ADAMTS14: variants seen among roughly 807,000 people sequenced by gnomAD.
The protein encoded by ADAMTS14 is ADAM metallopeptidase with thrombospondin type 1 motif 14.
Under a neutral mutation model 128.6 loss-of-function variants are expected in ADAMTS14, and 100 were observed. The observed-to-expected ratio is 0.78, with a 90% CI of 0.66 to 0.92. ADAMTS14 has a LOEUF of 0.92. ADAMTS14 is among the 40% of genes least tolerant of loss of function. The pLI, the probability that ADAMTS14 is intolerant of heterozygous loss-of-function variation, is 0.00. For synonymous variants in ADAMTS14, 665 were observed against 653.8 expected (o/e 1.02, Z -0.26); for missense variants, 1,562 against 1,658.6 (o/e 0.94, Z 1.01).
At chr10:70,725,363 A>T (rs2132657106) in intron 4 of ADAMTS14, among the ~76,000 whole-genome samples, 1 of 152,274 alleles carries the variant, frequency 6.6e-6, no homozygotes, top group Admixed American at 6.5e-5. Context: ...GCTGGGAAGA[A>T]ATTCCCTGTC....
At chr10:70,759,355 C>A (rs972633484) in intron 21 of ADAMTS14, among the ~76,000 whole-genome samples, 14 of 152,076 alleles carry the variant, frequency 9.2e-5, no homozygotes, top group African/African-American at 3.4e-4. Flanking sequence ...CCACCTCCCT[C>A]TTTCTCTCTC....
Position 70,730,178 on chromosome 10 carries a change from G to T in ADAMTS14, c.1031G>T (p.Arg344Leu), listed in dbSNP as rs202093253. 3.7e-6 allele frequency: 6 copies of T among 1,613,760 alleles called. No homozygotes were observed. The highest frequency in any genetic ancestry group is 1.7e-4 in the Middle Eastern group (1 of 6,038). Residue 344 changes from arginine (R) to leucine (L), a missense_variant, in exon 6 of 22, where the codon CGC becomes CTC. Arg to Leu is a moderately radical substitution (Grantham distance 102). Transcript: ENST00000373207. ...QVCRWAHSQQRQDPSHAEHHD... is the reference protein window; with the variant it reads ...QVCRWAHSQQLQDPSHAEHHD... ...TGTCGCTGGGCACACTCCCAGCAGCGCCAGGACCCCAGCCACGCTGAGCAC... is the reference window on the plus strand; with the variant it reads ...TGTCGCTGGGCACACTCCCAGCAGCTCCAGGACCCCAGCCACGCTGAGCAC...
rs1319348401 is a variant in ADAMTS14 at position 70,733,875 on chromosome 10, C to G, written c.1209-10C>G. 6.2e-7 allele frequency: 1 copy of G among 1,609,968 alleles called. No individual in the cohort carries two copies. ...GATGTATCAGGACTCCTCTGTCTTCCCCATTCCAGGCTCGGCATGGAGCAT... is the reference window on the plus strand; with the variant it reads ...GATGTATCAGGACTCCTCTGTCTTCGCCATTCCAGGCTCGGCATGGAGCAT... On this transcript the variant is annotated splice_polypyrimidine_tract_variant and intron_variant, in intron 7 of 21. Coordinates refer to ENST00000373207, the MANE Select transcript of ADAMTS14 (RefSeq NM_080722.4).
Position 70,709,661 on chromosome 10 carries a change from C to T in ADAMTS14, c.870+883C>T, listed in dbSNP as rs12255527. 4.9e-3 allele frequency among the ~76,000 whole-genome samples: 741 copies of T among 152,036 alleles called. 10 individuals are homozygous for T. The highest frequency in any genetic ancestry group is 0.017 in the African/African-American group (696 of 41,470). On this transcript the variant is annotated intron_variant, in intron 4 of 21. Transcript: ENST00000373207. ...GACTACAGGCACCTGCCACCATGCC[C>T]GGCTAATTTTTTGTATTTTTAGTAG...
intron 2 of ADAMTS14, among the ~76,000 whole-genome samples, chr10:70,684,432 C>A (rs1360855104): frequency 6.6e-6 from 1 of 152,208 alleles, no homozygotes; most frequent in Non-Finnish European, 1.5e-5. Context: ...GGGAAATGGA[C>A]TCTTCCATTT....
At chr10:70,706,467 G>A (rs1840670941) in intron 3 of ADAMTS14, among the ~76,000 whole-genome samples, 1 of 152,222 alleles carries the variant, frequency 6.6e-6, no homozygotes, top group Non-Finnish European at 1.5e-5. Flanking sequence ...CTGCTCCATG[G>A]AGAGAGCCTT....
chr10:70,757,924 C>T lies in ADAMTS14; in HGVS notation c.2938-38C>T, dbSNP rs371619228. On this transcript the variant is annotated intron_variant, in intron 19 of 21. Transcript: ENST00000373207. ...CTTTCTTCTCTCCACCTACCCTGAC[C>T]CCGGCCGCTATGCCTGGCACTGACC... 1.0e-5 allele frequency: 16 copies of T among 1,558,156 alleles called. No individual in the cohort carries two copies. In the African/African-American group the frequency reaches 1.8e-4, roughly 17 times the overall value.
intron 11 of ADAMTS14, 32 bp downstream of exon 11, chr10:70,739,022 G>A (rs1038391790): frequency 1.9e-6 from 3 of 1,578,284 alleles, no homozygotes; most frequent in Non-Finnish European, 8.6e-7. Context: ...GGGGAGGGCA[G>A]GGAGTCCCTC....
chr10:70,751,186 G>A (rs1479235676), intron 16 of ADAMTS14, among the ~76,000 whole-genome samples: 1 of 152,186 alleles, frequency 6.6e-6, no homozygotes, highest in African/African-American at 2.4e-5. Context: ...CAGACAGACA[G>A]CCAGCCCTGC....
chr10:70,744,219 G>A (rs1589328613), intron 14 of ADAMTS14, 30 bp downstream of exon 14: 3 of 1,492,282 alleles, frequency 2.0e-6, no homozygotes, highest in Admixed American at 2.2e-5. Flanking sequence ...GGGGGATGAC[G>A]AGGGCTGACT....
rs370245201 is a variant in ADAMTS14 at position 70,674,746 on chromosome 10, C to T, written c.273C>T (p.His91=). 22 of 1,613,438 alleles carry T rather than the reference C, an allele frequency of 1.4e-5. No individual in the cohort carries two copies. The highest frequency in any genetic ancestry group is 1.8e-5 in the Non-Finnish European group (21 of 1,179,982). ...TCCGGGTGGCTCGCAGCCCTCTGCACCCAGGAGGGACCCTGTGGCCTGGCA... is the reference window on the plus strand; with the variant it reads ...TCCGGGTGGCTCGCAGCCCTCTGCATCCAGGAGGGACCCTGTGGCCTGGCA... ...SHLRVARSPL[H]PGGTLWPGRV... is the part of the protein sequence containing the mutation. Residue 91 remains histidine, a synonymous_variant, in exon 2 of 22, where the codon CAC becomes CAT. Coordinates refer to ENST00000373207, the MANE Select transcript of ADAMTS14 (RefSeq NM_080722.4).
At chr10:70,679,097 T>C (rs1839728088) in intron 2 of ADAMTS14, among the ~76,000 whole-genome samples, 2 of 152,036 alleles carry the variant, frequency 1.3e-5, no homozygotes, top group South Asian at 4.1e-4. Context: ...AACTTGAGAA[T>C]CTAGTGAGAG....
chr10:70,752,249 CG>C (rs1342102198), intron 18 of ADAMTS14, 22 bp downstream of exon 18: 10 of 1,611,906 alleles, frequency 6.2e-6, no homozygotes, highest in Non-Finnish European at 8.5e-6. Context: ...CAGGGAGGGA[CG>C]GGGAGTCTGG....
At chr10:70,692,907 T>C (rs1349382836) in intron 2 of ADAMTS14, among the ~76,000 whole-genome samples, 1 of 152,208 alleles carries the variant, frequency 6.6e-6, no homozygotes. Context: ...TCCATTTTTA[T>C]GTTGCTATAA....
chr10:70,739,791 C>T, intron 11 of ADAMTS14, among the ~76,000 whole-genome samples: 1 of 152,228 alleles, frequency 6.6e-6, no homozygotes, highest in Non-Finnish European at 1.5e-5. Flanking sequence ...GTCATTCATA[C>T]TGTTATTTAT....
In ADAMTS14 at chr10:70,730,228, C is replaced by T. The variant is rs140634238; in HGVS notation, c.1081C>T (p.Arg361Trp). Residue 361 changes from arginine to tryptophan, a missense_variant, in exon 6 of 22, where the codon CGG (arginine) becomes TGG (tryptophan). By Grantham distance (101) the Arg-to-Trp change is moderately radical (BLOSUM62 -3). Coordinates refer to ENST00000373207, the MANE Select transcript of ADAMTS14 (RefSeq NM_080722.4). ...EHHDHVVFLT[R>W]QDFGPSGYAP... Reference sequence around the variant, plus strand: ...CCATGACCACGTTGTGTTCCTCACCCGGCAGGACTTTGGGCCCTCAGGTAT... The same window carrying T: ...CCATGACCACGTTGTGTTCCTCACCTGGCAGGACTTTGGGCCCTCAGGTAT... 4.2e-5 allele frequency: 68 copies of T among 1,613,922 alleles called. No individual in the cohort carries two copies. Among genetic ancestry groups the T allele is most frequent in the African/African-American group, 5.3e-5 (4 of 74,938 alleles).
At chr10:70,749,637 G>GCA (rs1842289309) in intron 15 of ADAMTS14, among the ~76,000 whole-genome samples, 185 bp from the exon 16 acceptor site, 3 of 137,146 alleles carry the variant, frequency 2.2e-5, no homozygotes, top group African/African-American at 5.4e-5. Context: ...GTGTGTGTGT[G>GCA]CGCGCACGTG....
intron 19 of ADAMTS14, among the ~76,000 whole-genome samples, chr10:70,757,599 G>A (rs1222256631): frequency 2.6e-5 from 4 of 152,110 alleles, no homozygotes; most frequent in Non-Finnish European, 5.9e-5. Context: ...AAATATTAAA[G>A]AACCCAGGCA....
intron 3 of ADAMTS14, among the ~76,000 whole-genome samples, chr10:70,706,102 G>C (rs1840656319): frequency 6.6e-6 from 1 of 152,148 alleles, no homozygotes; most frequent in Admixed American, 6.5e-5. Context: ...AGGGTTGTCT[G>C]CTCCTGTCAT....
Sources: gnomAD v4.1 joint callset for allele counts (sites outside exome capture counted in the v4.1 genomes callset) on GRCh38, gnomAD v4.1.1 for gene constraint, MANE v1.5 for transcripts, NCBI Gene and HGNC (gene_info 2026-07-23, HGNC 2026-07-21) for gene names.